POU2F1: variants seen among roughly 807,000 people sequenced by gnomAD.
POU2F1 encodes POU class 2 homeobox 1, also known as POU domain, class 2, transcription factor 1.
POU2F1 carries 16 observed loss-of-function variants against 84.9 expected under a neutral mutation model. The observed-to-expected ratio is 0.19, with a 90% CI of 0.13 to 0.29. The LOEUF (loss-of-function observed/expected upper bound fraction) is 0.29, where lower values mean the gene tolerates loss of function less well. Ranked by LOEUF, POU2F1 falls within the 10% of genes least tolerant of loss-of-function variation. The pLI, the probability that POU2F1 is intolerant of heterozygous loss-of-function variation, is 1.00. For missense variants in POU2F1, 738 were observed against 942.6 expected (o/e 0.78, Z 2.84); for synonymous variants, 368 against 368.3 (o/e 1.00, Z 0.01).
chr1:167,292,047 C>G (rs998218621), intron 1 of POU2F1, among the ~76,000 whole-genome samples: 68 of 151,236 alleles, frequency 4.5e-4, no homozygotes, highest in African/African-American at 1.5e-3. Context: ...GTGTGTGTGT[C>G]TGTGTACACA....
intron 8 of POU2F1, chr1:167,387,237 C>T (rs770944321): frequency 2.0e-5 from 9 of 455,930 alleles, no homozygotes; most frequent in South Asian, 1.4e-4. Context: ...CTGTAACCAC[C>T]CCATCTAAAG....
chr1:167,370,704 GT>G (rs1460305624), intron 4 of POU2F1, among the ~76,000 whole-genome samples: 1 of 152,212 alleles, frequency 6.6e-6, no homozygotes, highest in Non-Finnish European at 1.5e-5. Context: ...CTTGGGTTCA[GT>G]TTTTCTCATC....
At chr1:167,275,281 C>T (rs1652648478) in intron 1 of POU2F1, among the ~76,000 whole-genome samples, 1 of 152,052 alleles carries the variant, frequency 6.6e-6, no homozygotes, top group Admixed American at 6.5e-5. Flanking sequence ...CCACCTTGCC[C>T]TCCCAAAGTG....
chr1:167,306,017 G>A (rs571035873), intron 1 of POU2F1, among the ~76,000 whole-genome samples: 8 of 152,156 alleles, frequency 5.3e-5, no homozygotes, highest in Non-Finnish European at 1.0e-4. Flanking sequence ...AAAGCGTTGT[G>A]CATGGAATTA....
chr1:167,415,664 G>A lies in POU2F1; in HGVS notation c.2155G>A (p.Ala719Thr). 10 of 1,614,128 alleles carry A rather than the reference G, an allele frequency of 6.2e-6. No individual in the cohort carries two copies. The highest frequency in any genetic ancestry group is 5.9e-6 in the Non-Finnish European group (7 of 1,180,010). ...TSNPVSLVSAAAASAGNSAPV... is the reference protein window; with the variant it reads ...TSNPVSLVSATAASAGNSAPV... ...CAACCCTGTTAGCTTGGTCTCTGCC[G>A]CCGCAGCATCTGCAGGGAACTCTGC... is the stretch of plus-strand genomic sequence containing the variant. Residue 719 changes from alanine to threonine, a missense_variant, in exon 16 of 16, where the codon GCC (alanine) becomes ACC (threonine). By Grantham distance (58) the Ala-to-Thr change is moderately conservative. Around this residue, in one of 4 missense-constraint regions of POU2F1, gnomAD observed 319 missense variants for 386.0 expected, o/e 0.83. Coordinates refer to ENST00000367866, the MANE Select transcript of POU2F1 (RefSeq NM_002697.4).
At chr1:167,309,854 G>A (rs372563711) in intron 1 of POU2F1, among the ~76,000 whole-genome samples, 16 of 152,014 alleles carry the variant, frequency 1.1e-4, no homozygotes, top group African/African-American at 2.9e-4. Context: ...TAATTTCAAC[G>A]CATATAATCA....
At chr1:167,234,884 A>G (rs1649337622) in intron 1 of POU2F1, among the ~76,000 whole-genome samples, 1 of 152,234 alleles carries the variant, frequency 6.6e-6, no homozygotes, top group African/African-American at 2.4e-5. Context: ...TGATAAAAAC[A>G]TAATTTAAAC....
At chr1:167,413,987 TAA>T (rs372662250) in intron 15 of POU2F1, among the ~76,000 whole-genome samples, 18 of 126,368 alleles carry the variant, frequency 1.4e-4, no homozygotes, top group Admixed American at 2.4e-4. Flanking sequence ...ACCCTGTTTC[TAA>T]AAAAAAAAAA....
At position 167,412,175 on chromosome 1, in the gene POU2F1, G is replaced by C. The variant is rs1456532140; in HGVS notation, c.1772G>C (p.Gly591Ala). 6.2e-7 allele frequency: 1 copy of C among 1,613,998 alleles called. No homozygotes were observed. The highest frequency in any genetic ancestry group is 1.3e-5 in the African/African-American group (1 of 74,928). ...AGCCAGGTGATGGTGACAGCATCAG[G>C]TTTGCAAACAGCAGCAGCTGCTGCC... is the stretch of plus-strand genomic sequence containing the variant. ...GTSQVMVTAS[G>A]LQTAAAAALQ... Residue 591 changes from glycine to alanine, a missense_variant, in exon 14 of 16, where the codon GGT (glycine) becomes GCT (alanine). Gly to Ala is a moderately conservative substitution (Grantham distance 60, BLOSUM62 0). Coordinates refer to ENST00000367866, the MANE Select transcript of POU2F1 (RefSeq NM_002697.4).
chr1:167,410,558 C>T (rs909880156), intron 13 of POU2F1, among the ~76,000 whole-genome samples: 3 of 151,964 alleles, frequency 2.0e-5, no homozygotes, highest in Admixed American at 2.0e-4. Context: ...CTTCGTCACC[C>T]AGACTGGAGT....
intron 1 of POU2F1, among the ~76,000 whole-genome samples, chr1:167,313,944 A>T (rs1170203214): frequency 1.3e-5 from 2 of 152,202 alleles, no homozygotes; most frequent in African/African-American, 4.8e-5. Context: ...AACACCTGTA[A>T]TCCCAGAACT....
intron 8 of POU2F1, 53 bp downstream of exon 8, chr1:167,384,004 C>T: frequency 7.2e-7 from 1 of 1,398,522 alleles, no homozygotes; most frequent in Non-Finnish European, 9.6e-7. Context: ...TTTGGGGAGA[C>T]TTTTGGACTT....
chr1:167,232,168 T>C (rs1486668631), intron 1 of POU2F1, among the ~76,000 whole-genome samples: 1 of 152,206 alleles, frequency 6.6e-6, no homozygotes. Flanking sequence ...TTGCATGTGA[T>C]TGAAAAAACC....
At chr1:167,225,319 T>G (rs1298611785) in intron 1 of POU2F1, among the ~76,000 whole-genome samples, 1 of 152,212 alleles carries the variant, frequency 6.6e-6, no homozygotes, top group Non-Finnish European at 1.5e-5. Flanking sequence ...CATTTTGTCA[T>G]TGTCAAAAAT....
intron 1 of POU2F1, among the ~76,000 whole-genome samples, chr1:167,325,706 A>G (rs1455549512): frequency 1.3e-5 from 2 of 152,128 alleles, no homozygotes; most frequent in African/African-American, 2.4e-5. Flanking sequence ...CCTGGCCAAC[A>G]TGGTGAAACC....
At chr1:167,233,700 C>G (rs1052296822) in intron 1 of POU2F1, among the ~76,000 whole-genome samples, 1 of 152,176 alleles carries the variant, frequency 6.6e-6, no homozygotes, top group Admixed American at 6.5e-5. Context: ...ACAGCACTTT[C>G]AAGGAACAAA....
At chr1:167,318,382 G>A (rs1001098588) in intron 1 of POU2F1, among the ~76,000 whole-genome samples, 2 of 152,146 alleles carry the variant, frequency 1.3e-5, no homozygotes, top group African/African-American at 4.8e-5. Flanking sequence ...GCCATGGCAC[G>A]CAGACTGAGA....
chr1:167,343,630 C>G (rs1571335637), intron 2 of POU2F1, among the ~76,000 whole-genome samples: 1 of 111,546 alleles, frequency 9.0e-6, no homozygotes, highest in African/African-American at 3.3e-5. Context: ...AGCCAGGGGT[C>G]AATTTTTTTT....
intron 1 of POU2F1, among the ~76,000 whole-genome samples, chr1:167,238,033 T>TG (rs1649633953): frequency 1.3e-5 from 2 of 151,856 alleles, no homozygotes. Context: ...CTGCCCGCCT[T>TG]GGTCTCCCAA....
Sources: gnomAD v4.1 joint callset for allele counts (sites outside exome capture counted in the v4.1 genomes callset) on GRCh38, gnomAD v4.1.1 for gene constraint, gnomAD v4.1.1 regional missense constraint, MANE v1.5 for transcripts, NCBI Gene and HGNC (gene_info 2026-07-23, HGNC 2026-07-21) for gene names.